Variants in PCDHGB7 observed in about 807,000 individuals in gnomAD.
The protein encoded by PCDHGB7 is protocadherin gamma subfamily B, 7.
PCDHGB7 carries 37 observed loss-of-function variants against 61.4 expected under a neutral mutation model. The observed-to-expected ratio is 0.60, with a 90% confidence interval of 0.46 to 0.79. PCDHGB7 has a LOEUF of 0.79. Ranked by LOEUF, PCDHGB7 falls within the 30% of genes least tolerant of loss-of-function variation. PCDHGB7 has a pLI of 0.00. For missense variants in PCDHGB7, 1,166 were observed against 1,202.5 expected, an observed-to-expected ratio of 0.97 and a Z score of 0.45; for synonymous variants, 464 against 503.5, an observed-to-expected ratio of 0.92 and a Z score of 1.05.
chr5:141,487,608 G>A lies in PCDHGB7; in HGVS notation c.2416-7199G>A, dbSNP rs970411391. On this transcript the variant is annotated intron_variant, in intron 1 of 3. Coordinates refer to ENST00000398594, the MANE Select transcript of PCDHGB7 (RefSeq NM_018927.4). The surrounding 1 kb of genome is among the most constrained non-coding windows in gnomAD (Gnocchi z 5.0). ...TGCCCACCCTCTGATCTTCTCTATG[G>A]GCTAGAGGTGAGACCTTTGCAGGCT... 1 of 1,614,182 alleles carries A rather than the reference G, an allele frequency of 6.2e-7. No individual in the cohort carries two copies. Among genetic ancestry groups the A allele is most frequent in the African/African-American group, 1.3e-5 (1 of 75,050 alleles).
rs2096182334 is a variant in PCDHGB7 at position 141,417,897 on chromosome 5, C to T, written c.38C>T (p.Pro13Leu). The T allele has an allele frequency of 6.3e-7, 1 of 1,578,084 alleles. No individual in the cohort carries two copies. The highest frequency in any genetic ancestry group is 1.4e-5 in the African/African-American group (1 of 73,966). Reference sequence around the variant, plus strand: ...TGCGCGCAGAGGCGCCGGGCCGGCCCGCGGCAGGTACTATTTCCTTTGCTG... The same window carrying T: ...TGCGCGCAGAGGCGCCGGGCCGGCCTGCGGCAGGTACTATTTCCTTTGCTG... ...GSCAQRRRAG[P>L]RQVLFPLLLP... Residue 13 changes from proline (P) to leucine (L), a missense_variant, in exon 1 of 4, where the codon CCG (proline) becomes CTG (leucine). Pro to Leu is a moderately conservative substitution (Grantham distance 98, BLOSUM62 -3). Transcript: ENST00000398594.
intron 1 of PCDHGB7, among the ~76,000 whole-genome samples, chr5:141,488,238 C>G (rs374846692): frequency 6.6e-6 from 1 of 152,154 alleles, no homozygotes; most frequent in African/African-American, 2.4e-5. Context: ...GAACTAGATG[C>G]GGTAAATTGG....
chr5:141,420,465 A>G, intron 1 of PCDHGB7, 191 bp downstream of exon 1: 1 of 807,604 alleles, frequency 1.2e-6, no homozygotes. Context: ...ATTCAAAGAC[A>G]TTTTAAAGCA....
At chr5:141,474,332 G>A (rs1427828070) in intron 1 of PCDHGB7, among the ~76,000 whole-genome samples, 1 of 152,168 alleles carries the variant, frequency 6.6e-6, no homozygotes, top group Non-Finnish European at 1.5e-5. Flanking sequence ...TCACCCTGAT[G>A]TTTTGTTAAA....
At chr5:141,451,198 C>T (rs1415589731) in intron 1 of PCDHGB7, among the ~76,000 whole-genome samples, 1 of 152,114 alleles carries the variant, frequency 6.6e-6, no homozygotes, top group Non-Finnish European at 1.5e-5. Context: ...AACAAATTAT[C>T]CCAAAACTTA....
At chr5:141,443,199 G>C (rs936013020) in intron 1 of PCDHGB7, among the ~76,000 whole-genome samples, 1 of 152,002 alleles carries the variant, frequency 6.6e-6, no homozygotes. Context: ...ATAGTACAAA[G>C]AGCTTGTCTC....
At chr5:141,433,995 C>G (rs995723859) in intron 1 of PCDHGB7, among the ~76,000 whole-genome samples, 1 of 152,028 alleles carries the variant, frequency 6.6e-6, no homozygotes, top group Non-Finnish European at 1.5e-5. Context: ...GTTTTATATT[C>G]TCTATATATG....
chr5:141,430,216 A>G (rs1487666733), intron 1 of PCDHGB7, among the ~76,000 whole-genome samples: 1 of 150,536 alleles, frequency 6.6e-6, no homozygotes, highest in Non-Finnish European at 1.5e-5. Flanking sequence ...TTATTATATT[A>G]TATGATTTGT....
intron 1 of PCDHGB7, chr5:141,428,257 G>T: frequency 1.2e-6 from 1 of 865,866 alleles, no homozygotes; most frequent in South Asian, 1.4e-5. Context: ...AGACTTCAGT[G>T]ACAGTCCTGT....
chr5:141,435,718 G>T (rs2097776232), intron 1 of PCDHGB7, among the ~76,000 whole-genome samples: 1 of 152,150 alleles, frequency 6.6e-6, no homozygotes, highest in African/African-American at 2.4e-5. Context: ...GACACTGAAT[G>T]CTAAAGTGTA....
In PCDHGB7 at chr5:141,511,829, G is replaced by A. The variant is rs1181369164; in HGVS notation, c.*656G>A. 1 of 156,774 alleles carries A rather than the reference G, an allele frequency of 6.4e-6. No individual in the cohort carries two copies. Among genetic ancestry groups the A allele is most frequent in the Non-Finnish European group, 1.4e-5 (1 of 70,652 alleles). The allele number at this position is 156,774 out of a possible 1,614,324, so 9.7% of individuals were successfully genotyped here. Reference sequence around the variant, plus strand: ...TACCAAGCCTCTTCCCAACGCCCTGGGGACCAGTCTTCTGTTTTGTTTTTC... The same window carrying A: ...TACCAAGCCTCTTCCCAACGCCCTGAGGACCAGTCTTCTGTTTTGTTTTTC... On this transcript the variant is annotated 3_prime_UTR_variant, in exon 4 of 4. Transcript: ENST00000398594.
intron 1 of PCDHGB7, chr5:141,422,068 T>C (rs1340696188): frequency 2.5e-6 from 4 of 1,612,076 alleles, no homozygotes; most frequent in Non-Finnish European, 3.4e-6. Flanking sequence ...AGTAATGTAT[T>C]CATTTCGGAA....
Position 141,477,412 on chromosome 5 carries a change from C to T in PCDHGB7, c.2416-17395C>T. 6 of 1,614,168 alleles carry T rather than the reference C, an allele frequency of 3.7e-6. No individual in the cohort carries two copies. The highest frequency in any genetic ancestry group is 1.1e-5 in the South Asian group (1 of 91,082). On this transcript the variant is annotated intron_variant, in intron 1 of 3. Coordinates refer to ENST00000398594, the MANE Select transcript of PCDHGB7 (RefSeq NM_018927.4). This position sits in a 1 kb window ranked among gnomAD's most constrained non-coding sequence, Gnocchi z 4.9. ...ACCTCAGCATCACCGCCCGAGACGC[C>T]GGAACCCCTTCCCTCTCAGCCCTTA... is the stretch of plus-strand genomic sequence containing the variant.
Position 141,447,179 on chromosome 5 carries a change from G to A in PCDHGB7, c.2415+26905G>A, listed in dbSNP as rs558348683. ...GTTTAAGCGGGGTCTTGCTCTTGTC[G>A]CGCAGGCTGGAGTGCAATGGCTTGA... On this transcript the variant is annotated intron_variant, in intron 1 of 3. Transcript: ENST00000398594. 4.6e-4 allele frequency among the ~76,000 whole-genome samples: 70 copies of A among 151,826 alleles called. 1 individual carries two copies. The highest frequency in any genetic ancestry group is 3.9e-4 in the East Asian group (2 of 5,158).
At chr5:141,503,116 A>G (rs1303445673) in intron 2 of PCDHGB7, among the ~76,000 whole-genome samples, 11 of 151,656 alleles carry the variant, frequency 7.3e-5, no homozygotes, top group Admixed American at 4.6e-4. Flanking sequence ...GCCTCTCTTC[A>G]TACCCTCTGG....
At chr5:141,429,542 A>G (rs1484411621) in intron 1 of PCDHGB7, among the ~76,000 whole-genome samples, 3 of 152,188 alleles carry the variant, frequency 2.0e-5, no homozygotes, top group African/African-American at 7.2e-5. Context: ...AAATAAGAAC[A>G]TGGTAATGAT....
At position 141,489,072 on chromosome 5, in the gene PCDHGB7, A is replaced by AC; in HGVS notation, c.2416-5730dup. The AC allele has an allele frequency of 1.3e-5, 2 of 157,710 alleles. No homozygotes were observed. Among genetic ancestry groups the AC allele is most frequent in the Non-Finnish European group, 1.2e-5 (1 of 83,996 alleles). 9.8% of individuals were successfully genotyped at this position (157,710 alleles called of 1,614,324 possible). A position where few individuals can be genotyped will look rare whatever the true frequency, so the allele number is the denominator to read the frequency against. On this transcript the variant is annotated intron_variant, in intron 1 of 3. Transcript: ENST00000398594. This position sits in a 1 kb window ranked among gnomAD's most constrained non-coding sequence, Gnocchi z 4.5. The stretch of plus-strand genomic sequence containing the variant: ...AATTCAGCTCCCCTCCCCCCTGCCC[A>AC]CCCCCGCCACTCGGTGACTAAGAAC...
intron 1 of PCDHGB7, among the ~76,000 whole-genome samples, chr5:141,460,912 G>GTATA (rs34683754): frequency 4.0e-5 from 6 of 149,324 alleles, no homozygotes; most frequent in South Asian, 2.1e-4. Context: ...ATTCCATGGT[G>GTATA]TATATATATA....
intron 1 of PCDHGB7, chr5:141,427,497 G>C (rs775492626): frequency 1.6e-5 from 9 of 568,020 alleles, no homozygotes; most frequent in African/African-American, 3.7e-5. Flanking sequence ...GCTTGTAACA[G>C]ATGGGACCCT....
Sources: allele counts gnomAD v4.1 joint callset (sites outside exome capture counted in the v4.1 genomes callset), GRCh38; gene constraint gnomAD v4.1.1; non-coding constraint Gnocchi (gnomAD v3.1); transcripts MANE v1.5; gene names NCBI Gene and HGNC (gene_info 2026-07-23, HGNC 2026-07-21).